Variants in RNF8 observed in about 807,000 individuals in gnomAD.
RNF8 encodes ring finger protein 8, also known as E3 ubiquitin-protein ligase RNF8.
RNF8 carries 8 observed loss-of-function variants against 59.3 expected under a neutral mutation model. The observed-to-expected ratio is 0.13, with a 90% CI of 0.08 to 0.24. The LOEUF is 0.24. RNF8 is among the 10% of genes least tolerant of loss of function. RNF8 has a pLI of 1.00. For missense variants in RNF8, 406 were observed against 572.6 expected (o/e 0.71, Z 2.97); for synonymous variants, 162 against 200.0 (o/e 0.81, Z 1.60).
rs901957974 is a variant in RNF8, at chr6:37,381,282, A to G, written c.1369A>G (p.Ile457Val). The change falls in exon 7 of 8, where the codon ATT becomes GTT. Residue 457 changes from isoleucine (I) to valine (V), a missense_variant. Ile to Val is a conservative substitution (Grantham distance 29). Transcript: ENST00000373479. The stretch of plus-strand genomic sequence containing the variant: ...GTACTCTTTGGTTCTGGACAATTGC[A>G]TTAATAAGATGGTAAATAATCTGAG... ...KTYSLVLDNC[I>V]NKMVNNLSSE... is the part of the protein sequence containing the mutation. 1 of 1,614,226 alleles carries G rather than the reference A, an allele frequency of 6.2e-7. No homozygotes were observed. The highest frequency in any genetic ancestry group is 8.5e-7 in the Non-Finnish European group (1 of 1,180,052).
chr6:37,361,924 T>C (rs914610156), intron 2 of RNF8, among the ~76,000 whole-genome samples: 2 of 152,216 alleles, frequency 1.3e-5, no homozygotes, highest in Admixed American at 1.3e-4. Flanking sequence ...CCCAGAGAGA[T>C]AAACTGTCTT....
chr6:37,382,706 A>C (rs192524149), intron 7 of RNF8, among the ~76,000 whole-genome samples: 140 of 152,284 alleles, frequency 9.2e-4, no homozygotes, highest in Non-Finnish European at 1.8e-3. Flanking sequence ...AAGGCTGGGC[A>C]CGGTGGCTCA....
intron 7 of RNF8, among the ~76,000 whole-genome samples, chr6:37,385,303 G>A (rs12210584): frequency 1.3e-5 from 2 of 150,804 alleles, no homozygotes; most frequent in African/African-American, 4.9e-5. Context: ...GTGAGCCACC[G>A]CGCCTGGCTC....
chr6:37,383,315 G>T (rs1770355281), intron 7 of RNF8, among the ~76,000 whole-genome samples: 1 of 152,148 alleles, frequency 6.6e-6, no homozygotes. Flanking sequence ...AGCTTCACTG[G>T]GTTTAGAGAA....
rs1769679000 is a variant in RNF8, at chr6:37,368,852, G to A, written c.609G>A (p.Leu203=). The A allele has an allele frequency of 6.2e-7, 1 of 1,614,064 alleles. No individual in the cohort carries two copies. Among genetic ancestry groups the A allele is most frequent in the South Asian group, 1.1e-5 (1 of 91,070 alleles). The change falls in exon 3 of 8, where the codon TTG becomes TTA. Residue 203 remains leucine, a synonymous_variant. Transcript: ENST00000373479. The part of the protein sequence containing the change: ...GEVASTPSDN[L]DPKLTALEPS... ...TGGCCAGTACACCCTCTGACAATTT[G>A]GATCCTAAGTTGACTGCCCTTGAGC...
intron 4 of RNF8, among the ~76,000 whole-genome samples, chr6:37,374,006 A>G (rs180697876): frequency 5.9e-5 from 9 of 152,370 alleles, no homozygotes; most frequent in African/African-American, 1.9e-4. Flanking sequence ...TTTAGTCACA[A>G]TGAATGAGCT....
intron 7 of RNF8, among the ~76,000 whole-genome samples, chr6:37,382,709 G>A (rs1770324655): frequency 6.6e-6 from 1 of 152,198 alleles, no homozygotes; most frequent in South Asian, 2.1e-4. Context: ...GCTGGGCACG[G>A]TGGCTCATGC....
At chr6:37,389,219 G>A (rs757317446) in intron 7 of RNF8, among the ~76,000 whole-genome samples, 4 of 151,926 alleles carry the variant, frequency 2.6e-5, no homozygotes, top group East Asian at 1.9e-4. Flanking sequence ...AGAAGTCAGC[G>A]TTTGAAATGC....
At chr6:37,383,919 C>G (rs1770382986) in intron 7 of RNF8, among the ~76,000 whole-genome samples, 1 of 152,118 alleles carries the variant, frequency 6.6e-6, no homozygotes, top group Admixed American at 6.5e-5. Flanking sequence ...CTTCTGTCAG[C>G]TCCTCCCCTC....
At chr6:37,386,894 A>G (rs1294015858) in intron 7 of RNF8, among the ~76,000 whole-genome samples, 2 of 152,196 alleles carry the variant, frequency 1.3e-5, no homozygotes, top group East Asian at 3.9e-4. Flanking sequence ...TTTTAGTGAT[A>G]ACACAGTTAT....
intron 7 of RNF8, among the ~76,000 whole-genome samples, chr6:37,386,534 C>T (rs1770510594): frequency 6.6e-6 from 1 of 152,178 alleles, no homozygotes; most frequent in South Asian, 2.1e-4. Context: ...TTTGAGGGAA[C>T]CATGCATGCC....
In RNF8 at chr6:37,360,629, T is replaced by C. The variant is rs1769282294; in HGVS notation, c.240+55T>C. The C allele has an allele frequency of 2.0e-6, 3 of 1,526,540 alleles. No individual in the cohort carries two copies. The highest frequency in any genetic ancestry group is 2.0e-5 in the Admixed American group (1 of 49,692). The allele number at this position is 1,526,540 out of a possible 1,614,324, so 94.6% of individuals were successfully genotyped here. On this transcript the variant is annotated intron_variant, in intron 2 of 7. Coordinates refer to ENST00000373479, the MANE Select transcript of RNF8 (RefSeq NM_003958.4). This position sits in a 1 kb window ranked among gnomAD's most constrained non-coding sequence, Gnocchi z 4.2. Reference sequence around the variant, plus strand: ...TTTATTTGTTTTTAAATTACTTTTTTTTTTTTTTGCATAGGTAATTCATGG... The same window carrying C: ...TTTATTTGTTTTTAAATTACTTTTTCTTTTTTTTGCATAGGTAATTCATGG...
At chr6:37,371,722 C>A (rs949874102) in intron 4 of RNF8, 148 bp downstream of exon 4, 19 of 587,256 alleles carry the variant, frequency 3.2e-5, no homozygotes, top group Middle Eastern at 4.6e-4. Context: ...CTGCTCACAC[C>A]ATCAGATCAG....
chr6:37,359,895 A>C (rs1769251056), intron 1 of RNF8, among the ~76,000 whole-genome samples: 1 of 152,268 alleles, frequency 6.6e-6, no homozygotes, highest in South Asian at 2.1e-4. Flanking sequence ...GCAAAGGCTC[A>C]AGCCCATCCC....
intron 7 of RNF8, among the ~76,000 whole-genome samples, chr6:37,390,329 A>G (rs1770675618): frequency 6.6e-6 from 1 of 152,218 alleles, no homozygotes; most frequent in African/African-American, 2.4e-5. Context: ...TAATCAAGGA[A>G]GGCACCTCTG....
intron 4 of RNF8, among the ~76,000 whole-genome samples, chr6:37,372,633 A>AT (rs1304099096): frequency 5.3e-5 from 8 of 152,130 alleles, no homozygotes; most frequent in African/African-American, 1.9e-4. Flanking sequence ...ACACTCTATC[A>AT]TTTTGCATGG....
chr6:37,372,698 G>A (rs540022942), intron 4 of RNF8, among the ~76,000 whole-genome samples: 2 of 152,316 alleles, frequency 1.3e-5, no homozygotes, highest in East Asian at 3.9e-4. Flanking sequence ...GACCGGGCAC[G>A]GTGGCTCACG....
At chr6:37,383,830 A>AT (rs59581260) in intron 7 of RNF8, among the ~76,000 whole-genome samples, 8,723 of 152,048 alleles carry the variant, frequency 0.057, 804 homozygotes, top group African/African-American at 0.2. Flanking sequence ...TTGACATGAG[A>AT]TTTTTTCTGA....
chr6:37,357,870 A>G (rs1487641435), intron 1 of RNF8, among the ~76,000 whole-genome samples: 5 of 152,348 alleles, frequency 3.3e-5, no homozygotes, highest in Non-Finnish European at 5.9e-5. Flanking sequence ...ACACTATGCC[A>G]GGTATAGAAA....
Sources: allele counts gnomAD v4.1 joint callset (sites outside exome capture counted in the v4.1 genomes callset), GRCh38; gene constraint gnomAD v4.1.1; non-coding constraint Gnocchi (gnomAD v3.1); transcripts MANE v1.5; gene names NCBI Gene and HGNC (gene_info 2026-07-23, HGNC 2026-07-21).